Variants in PARK7 observed in about 807,000 individuals in gnomAD.
The protein encoded by PARK7 is Parkinsonism associated deglycase.
Under a neutral mutation model 20.5 loss-of-function variants are expected in PARK7, and 14 were observed. The ratio of observed to expected loss-of-function variants is 0.68; its 90% CI spans 0.45 to 1.07. PARK7 has a LOEUF of 1.07. Ranked by LOEUF, PARK7 falls within the 50% of genes least tolerant of loss-of-function variation. PARK7 has a pLI of 0.00. For synonymous variants in PARK7, 98 were observed against 84.3 expected (o/e 1.16, Z -0.89); for missense variants, 234 against 238.1 (o/e 0.98, Z 0.11).
At chr1:7,973,613 C>T (rs1393435739) in intron 5 of PARK7, among the ~76,000 whole-genome samples, 1 of 152,010 alleles carries the variant, frequency 6.6e-6, no homozygotes, top group Non-Finnish European at 1.5e-5. Context: ...GCTTGGGAGG[C>T]TGAGGCAGGA....
intron 6 of PARK7, among the ~76,000 whole-genome samples, chr1:7,983,802 A>T (rs1007618425): frequency 2.0e-5 from 3 of 152,204 alleles, no homozygotes; most frequent in African/African-American, 7.2e-5. Context: ...GAGAAAGGAG[A>T]TCGAGTCAAG....
intron 5 of PARK7, among the ~76,000 whole-genome samples, chr1:7,972,978 C>T (rs1431849088): frequency 1.3e-5 from 2 of 151,862 alleles, no homozygotes; most frequent in Non-Finnish European, 1.5e-5. Context: ...TGAACCCGGG[C>T]GGCGGAGGTT....
At chr1:7,983,728 G>A (rs936923532) in intron 6 of PARK7, among the ~76,000 whole-genome samples, 8 of 152,186 alleles carry the variant, frequency 5.3e-5, no homozygotes, top group Admixed American at 3.9e-4. Flanking sequence ...TCGAAGGGGC[G>A]CACAGCCGGA....
At chr1:7,979,175 G>A (rs1640659478) in intron 6 of PARK7, among the ~76,000 whole-genome samples, 1 of 152,064 alleles carries the variant, frequency 6.6e-6, no homozygotes, top group Non-Finnish European at 1.5e-5. Flanking sequence ...GCCGCTGTGA[G>A]CATATCTGAG....
chr1:7,969,879 C>T (rs1640426151), intron 4 of PARK7, among the ~76,000 whole-genome samples: 1 of 152,184 alleles, frequency 6.6e-6, no homozygotes, highest in South Asian at 2.1e-4. Context: ...CTCCCGACCT[C>T]AAGAAAACAT....
chr1:7,981,646 G>A (rs1640710511), intron 6 of PARK7, among the ~76,000 whole-genome samples: 1 of 150,158 alleles, frequency 6.7e-6, no homozygotes. Flanking sequence ...GCTGACCTGT[G>A]TCCTGTGTCT....
intron 6 of PARK7, among the ~76,000 whole-genome samples, chr1:7,980,908 A>G (rs1035646438): frequency 4.6e-5 from 7 of 151,948 alleles, no homozygotes; most frequent in South Asian, 2.1e-4. Flanking sequence ...GGGTCTCACT[A>G]TGTTGCCCAA....
At chr1:7,981,520 G>A (rs1200054097) in intron 6 of PARK7, among the ~76,000 whole-genome samples, 1 of 152,208 alleles carries the variant, frequency 6.6e-6, no homozygotes, top group African/African-American at 2.4e-5. Context: ...CTACTCAACT[G>A]TTGCACCTCC....
At chr1:7,964,829 G>A (rs552490668) in intron 2 of PARK7, among the ~76,000 whole-genome samples, 13 of 152,232 alleles carry the variant, frequency 8.5e-5, no homozygotes, top group Non-Finnish European at 1.0e-4. Context: ...GGTTTAAATG[G>A]CAACAGTAAA....
intron 2 of PARK7, among the ~76,000 whole-genome samples, 153 bp from the exon 3 acceptor site, chr1:7,965,171 G>T (rs1425996277): frequency 6.6e-6 from 1 of 152,192 alleles, no homozygotes. Context: ...GAGCCCAGGA[G>T]CTGGAGGCTG....
At chr1:7,964,109 G>A (rs565017505) in intron 2 of PARK7, among the ~76,000 whole-genome samples, 15 of 152,152 alleles carry the variant, frequency 9.9e-5, no homozygotes, top group African/African-American at 3.1e-4. Flanking sequence ...TACTGCACCC[G>A]CCCCCACGCA....
chr1:7,985,030 G>T lies in PARK7; in HGVS notation c.546G>T (p.Lys182Asn). 6.2e-7 allele frequency: 1 copy of T among 1,614,192 alleles called. No individual in the cohort carries two copies. Among genetic ancestry groups the T allele is most frequent in the Non-Finnish European group, 8.5e-7 (1 of 1,180,042 alleles). ...LNGKEVAAQVKAPLVLKD is the reference protein window; with the variant it reads ...LNGKEVAAQVNAPLVLKD ...GCAAGGAGGTGGCGGCTCAAGTGAAGGCTCCACTTGTTCTTAAAGACTAGA... is the reference window on the plus strand; with the variant it reads ...GCAAGGAGGTGGCGGCTCAAGTGAATGCTCCACTTGTTCTTAAAGACTAGA... Residue 182 changes from lysine (K) to asparagine (N), a missense_variant, in exon 7 of 7, where the codon AAG becomes AAT. By Grantham distance (94) the Lys-to-Asn change is moderately conservative. Coordinates refer to ENST00000338639, the MANE Select transcript of PARK7 (RefSeq NM_007262.5).
chr1:7,980,995 A>G (rs758686263), intron 6 of PARK7, among the ~76,000 whole-genome samples: 2 of 152,186 alleles, frequency 1.3e-5, no homozygotes, highest in Non-Finnish European at 2.9e-5. Flanking sequence ...GGTGTGTGCT[A>G]CCAGCTCCAG....
At chr1:7,971,265 C>T in intron 5 of PARK7, 1 of 432,178 alleles carries the variant, frequency 2.3e-6, no homozygotes, top group Non-Finnish European at 4.3e-6. Context: ...CAGCAAGTCT[C>T]TGTGCCAGAA....
Position 7,965,312 on chromosome 1 carries a change from T to C in PARK7, c.91-12T>C. ...TTCAGTGTTCTTAAATATGATAACA[T>C]CTTTCTCGTAGATTAAGGTCACCGT... On this transcript the variant is annotated splice_polypyrimidine_tract_variant and intron_variant, in intron 2 of 6. Transcript: ENST00000338639. The C allele has an allele frequency of 6.2e-7, 1 of 1,608,272 alleles. No homozygotes were observed. The highest frequency in any genetic ancestry group is 8.5e-7 in the Non-Finnish European group (1 of 1,174,706).
chr1:7,966,244 A>G (rs1640326825), intron 3 of PARK7, among the ~76,000 whole-genome samples: 1 of 152,092 alleles, frequency 6.6e-6, no homozygotes, highest in African/African-American at 2.4e-5. Context: ...CTGCTGAGGA[A>G]CCTGGAGTGC....
At chr1:7,962,088 C>T (rs1421480438) in intron 1 of PARK7, 1 of 152,484 alleles carries the variant, frequency 6.6e-6, no homozygotes, top group Non-Finnish European at 1.5e-5. Flanking sequence ...GACGGTAAAC[C>T]CTCCAGATAA....
At chr1:7,962,982 C>A in intron 2 of PARK7, 107 bp downstream of exon 2, 1 of 921,654 alleles carries the variant, frequency 1.1e-6, no homozygotes, top group Non-Finnish European at 1.8e-6. Context: ...TTCAAATATA[C>A]ACAAAATTTC....
At chr1:7,968,320 AAAAG>A (rs1640372732) in intron 3 of PARK7, among the ~76,000 whole-genome samples, 1 of 149,020 alleles carries the variant, frequency 6.7e-6, no homozygotes, top group Non-Finnish European at 1.5e-5. Flanking sequence ...AAAAAAAAAG[AAAAG>A]AAAAATAAAT....
Sources: allele counts gnomAD v4.1 joint callset (sites outside exome capture counted in the v4.1 genomes callset), GRCh38; gene constraint gnomAD v4.1.1; transcripts MANE v1.5; gene names NCBI Gene and HGNC (gene_info 2026-07-23, HGNC 2026-07-21).